Variants in KCNQ3 observed in about 807,000 individuals in gnomAD.
The protein encoded by KCNQ3 is potassium voltage-gated channel subfamily KQT member 3.
A neutral mutation model predicts 92.5 loss-of-function variants in KCNQ3; 30 were observed. The ratio of observed to expected loss-of-function variants is 0.32; its 90% confidence interval spans 0.24 to 0.44. The LOEUF (loss-of-function observed/expected upper bound fraction) is 0.44. Among genes scored for constraint, KCNQ3 ranks in the 20% least tolerant of loss-of-function variants. The pLI, the probability that KCNQ3 is intolerant of heterozygous loss-of-function variation, is 1.00. For missense variants in KCNQ3, 913 were observed against 1,140.3 expected, an observed-to-expected ratio of 0.80 and a Z score of 2.87; for synonymous variants, 450 against 468.8, an observed-to-expected ratio of 0.96 and a Z score of 0.52.
At chr8:132,239,513 C>T (rs973511649) in intron 1 of KCNQ3, among the ~76,000 whole-genome samples, 4 of 152,084 alleles carry the variant, frequency 2.6e-5, no homozygotes, top group African/African-American at 9.7e-5. Flanking sequence ...GGGAGGAGAC[C>T]AGAAGAAGAT....
Position 132,209,503 on chromosome 8 carries a change from T to G in KCNQ3, c.387-23322A>C, listed in dbSNP as rs532586921. 4.6e-5 allele frequency among the ~76,000 whole-genome samples: 7 copies of G among 151,960 alleles called. No homozygotes were observed. In the East Asian group the frequency reaches 1.4e-3, roughly 29 times the overall value. On this transcript the variant is annotated intron_variant, in intron 1 of 14. Transcript: ENST00000388996. ...GCCTGTTCATTGTCATTAAGCCATT[T>G]TTTTGTATAATGTACGTAATTCACA...
chr8:132,244,920 C>CAA (rs35215337), intron 1 of KCNQ3, among the ~76,000 whole-genome samples: 1,335 of 112,228 alleles, frequency 0.012, 21 homozygotes, highest in Non-Finnish European at 0.017. Context: ...CTCACTTGAC[C>CAA]AAAAAAAAAA....
At chr8:132,256,436 T>C (rs546692074) in intron 1 of KCNQ3, among the ~76,000 whole-genome samples, 4 of 152,266 alleles carry the variant, frequency 2.6e-5, no homozygotes, top group Non-Finnish European at 4.4e-5. Flanking sequence ...GGGTCAAAAG[T>C]ATTTGAAGAA....
chr8:132,200,376 G>A (rs1055756302), intron 1 of KCNQ3, among the ~76,000 whole-genome samples: 1 of 151,182 alleles, frequency 6.6e-6, no homozygotes, highest in Non-Finnish European at 1.5e-5. Context: ...TTGCAATAGA[G>A]ATGGTCTGGC....
chr8:132,434,228 T>C (rs201689753), intron 1 of KCNQ3, among the ~76,000 whole-genome samples: 1 of 144,148 alleles, frequency 6.9e-6, no homozygotes, highest in Non-Finnish European at 1.5e-5. Flanking sequence ...AAAAAAAAAA[T>C]AATAATAATA....
At chr8:132,303,565 G>GATTGATATATATATATATATATATAT (rs1554642780) in intron 1 of KCNQ3, among the ~76,000 whole-genome samples, 2 of 42,566 alleles carry the variant, frequency 4.7e-5, no homozygotes, top group African/African-American at 1.9e-4. Flanking sequence ...AAGAAAATGT[G>GATTGATATATATATATATATATATAT]ATATATATAT....
chr8:132,309,218 G>A (rs1817520977), intron 1 of KCNQ3, among the ~76,000 whole-genome samples: 1 of 152,154 alleles, frequency 6.6e-6, no homozygotes, highest in Non-Finnish European at 1.5e-5. Flanking sequence ...CTGGCTTTGT[G>A]TGAGTCAATA....
intron 1 of KCNQ3, among the ~76,000 whole-genome samples, chr8:132,243,209 T>C (rs1286878362): frequency 1.3e-5 from 2 of 152,248 alleles, no homozygotes; most frequent in African/African-American, 4.8e-5. Context: ...GATGAGCAAC[T>C]GGAGGCTTAC....
chr8:132,478,004 G>A (rs113806459), intron 1 of KCNQ3, among the ~76,000 whole-genome samples: 3,254 of 152,196 alleles, frequency 0.021, 44 homozygotes, highest in African/African-American at 0.024. Flanking sequence ...TTTATATAAC[G>A]GAGATAATAA....
intron 1 of KCNQ3, among the ~76,000 whole-genome samples, chr8:132,353,096 G>A (rs1321107480): frequency 6.6e-6 from 1 of 152,140 alleles, no homozygotes; most frequent in African/African-American, 2.4e-5. Flanking sequence ...CATGGTGGTG[G>A]GCGCCTGTAA....
At chr8:132,471,245 C>T (rs1257723005) in intron 1 of KCNQ3, among the ~76,000 whole-genome samples, 1 of 152,092 alleles carries the variant, frequency 6.6e-6, no homozygotes, top group Non-Finnish European at 1.5e-5. Flanking sequence ...TTGAGTACAC[C>T]ACGACATGAG....
intron 1 of KCNQ3, among the ~76,000 whole-genome samples, chr8:132,196,708 A>T (rs2130242050): frequency 6.6e-6 from 1 of 152,324 alleles, no homozygotes; most frequent in East Asian, 1.9e-4. Context: ...ATTAAAGCAG[A>T]TGGTCCCCAA....
At position 132,350,725 on chromosome 8, in the gene KCNQ3, C is replaced by G. The variant is rs184196006; in HGVS notation, c.386+129422G>C. Among the ~76,000 whole-genome samples the G allele has an allele frequency of 3.3e-5, 5 of 152,278 alleles. No individual in the cohort carries two copies. In the South Asian group the frequency reaches 8.3e-4, roughly 25 times the overall value. On this transcript the variant is annotated intron_variant, in intron 1 of 14. Transcript: ENST00000388996. ...GTGGTCAGTCAGCATTCCTCACGCA[C>G]GTGAGTCTTAGACAAACACTACCTG...
intron 1 of KCNQ3, among the ~76,000 whole-genome samples, chr8:132,415,666 T>TA (rs1820777821): frequency 6.6e-6 from 1 of 152,084 alleles, no homozygotes; most frequent in Admixed American, 6.5e-5. Flanking sequence ...CTGTACATGG[T>TA]ATGGACAGTT....
chr8:132,381,534 G>A (rs879353560), intron 1 of KCNQ3, among the ~76,000 whole-genome samples: 3 of 152,148 alleles, frequency 2.0e-5, no homozygotes, highest in Admixed American at 6.5e-5. Flanking sequence ...GAAACACAAG[G>A]AGAACACTTT....
intron 1 of KCNQ3, among the ~76,000 whole-genome samples, chr8:132,405,768 C>T (rs973102369): frequency 2.6e-5 from 4 of 152,160 alleles, no homozygotes; most frequent in African/African-American, 7.2e-5. Flanking sequence ...GTAAACACTG[C>T]AGATTTGGTG....
intron 1 of KCNQ3, among the ~76,000 whole-genome samples, chr8:132,414,617 C>A (rs1446315993): frequency 6.6e-6 from 1 of 152,120 alleles, no homozygotes; most frequent in African/African-American, 2.4e-5. Flanking sequence ...ATGAGGGGAC[C>A]CCTTAGGAGC....
At chr8:132,315,311 G>A (rs912525151) in intron 1 of KCNQ3, among the ~76,000 whole-genome samples, 1 of 152,172 alleles carries the variant, frequency 6.6e-6, no homozygotes, top group Admixed American at 6.5e-5. Flanking sequence ...GAGAAAAAAG[G>A]TGAGGGTGAG....
chr8:132,408,476 C>T (rs1820557921), intron 1 of KCNQ3, among the ~76,000 whole-genome samples: 1 of 152,108 alleles, frequency 6.6e-6, no homozygotes, highest in Non-Finnish European at 1.5e-5. Context: ...AAACATGGGC[C>T]CTGCTACGCT....
Sources: gnomAD v4.1 joint callset for allele counts (sites outside exome capture counted in the v4.1 genomes callset) on GRCh38, gnomAD v4.1.1 for gene constraint, MANE v1.5 for transcripts, NCBI Gene and HGNC (gene_info 2026-07-23, HGNC 2026-07-21) for gene names.